Variants in AGMO observed in about 807,000 individuals in gnomAD.
AGMO encodes the protein glyceryl-ether monooxygenase.
Under a neutral mutation model 60.2 loss-of-function variants are expected in AGMO, and 75 were observed. That is an observed-to-expected ratio of 1.25 (90% CI 1.03 to 1.51). The LOEUF (loss-of-function observed/expected upper bound fraction) is 1.51. AGMO is among the 40% of genes most tolerant of loss of function. The pLI, the probability that AGMO is intolerant of heterozygous loss-of-function variation, is 0.00. For synonymous variants in AGMO, 261 were observed against 177.1 expected (o/e 1.47, Z -3.76); for missense variants, 763 against 525.5 (o/e 1.45, Z -4.42).
chr7:15,458,852 C>A (rs1350808384), intron 3 of AGMO, among the ~76,000 whole-genome samples: 5 of 152,156 alleles, frequency 3.3e-5, no homozygotes, highest in Non-Finnish European at 7.3e-5. Context: ...AGGGCACTCC[C>A]CTCTACCACC....
chr7:15,391,935 T>C (rs187133933), intron 6 of AGMO, among the ~76,000 whole-genome samples: 4 of 152,260 alleles, frequency 2.6e-5, no homozygotes, highest in African/African-American at 9.6e-5. Flanking sequence ...TGTCCCAAAA[T>C]GTCAATAGTG....
chr7:15,537,022 G>A (rs921038739), intron 3 of AGMO, among the ~76,000 whole-genome samples: 2 of 151,778 alleles, frequency 1.3e-5, no homozygotes, highest in Non-Finnish European at 2.9e-5. Context: ...AAATTACTTG[G>A]GACAAAATCT....
At chr7:15,368,272 A>G (rs1416735577) in intron 10 of AGMO, among the ~76,000 whole-genome samples, 1 of 139,084 alleles carries the variant, frequency 7.2e-6, no homozygotes, top group Non-Finnish European at 1.5e-5. Flanking sequence ...ACTTAGGAAG[A>G]ATGAGACCAA....
intron 12 of AGMO, among the ~76,000 whole-genome samples, chr7:15,219,494 T>C: frequency 7.4e-6 from 1 of 135,074 alleles, no homozygotes; most frequent in Non-Finnish European, 1.5e-5. Flanking sequence ...AAAAAGACAA[T>C]TTTTTTTTTT....
chr7:15,379,604 G>A (rs909703551), intron 10 of AGMO, among the ~76,000 whole-genome samples: 13 of 152,102 alleles, frequency 8.5e-5, no homozygotes, highest in Non-Finnish European at 1.9e-4. Flanking sequence ...AATTGAGGCA[G>A]TAACAAATAA....
At chr7:15,197,496 A>G (rs1031864807), downstream of AGMO, among the ~76,000 whole-genome samples, 1 of 152,256 alleles carries the variant, frequency 6.6e-6, no homozygotes, top group African/African-American at 2.4e-5. Flanking sequence ...ATATTGCTAA[A>G]TATCAGGACT....
intron 3 of AGMO, among the ~76,000 whole-genome samples, chr7:15,448,169 A>G (rs1781754673): frequency 1.3e-5 from 2 of 152,176 alleles, no homozygotes. Context: ...GTGTCCCTCC[A>G]AAACTCATAT....
At chr7:15,411,581 A>G (rs1780611319) in intron 5 of AGMO, among the ~76,000 whole-genome samples, 1 of 152,098 alleles carries the variant, frequency 6.6e-6, no homozygotes, top group Admixed American at 6.6e-5. Flanking sequence ...AGTTTTTATA[A>G]TCATAGTATA....
chr7:15,242,002 C>A (rs1435423506), intron 12 of AGMO, among the ~76,000 whole-genome samples: 1 of 152,084 alleles, frequency 6.6e-6, no homozygotes, highest in Admixed American at 6.5e-5. Context: ...TATAAGTATG[C>A]CACATGGAAT....
chr7:15,485,142 C>CAAAAAA (rs34731268), intron 3 of AGMO, among the ~76,000 whole-genome samples: 15 of 97,792 alleles, frequency 1.5e-4, no homozygotes, highest in Admixed American at 4.5e-4. Flanking sequence ...ACTAAAAATA[C>CAAAAAA]AAAAAAAAAA....
chr7:15,498,312 G>T (rs1365964412), intron 3 of AGMO, among the ~76,000 whole-genome samples: 1 of 151,874 alleles, frequency 6.6e-6, no homozygotes, highest in African/African-American at 2.4e-5. Flanking sequence ...ATCAAAGAAA[G>T]GTAGTTAGTG....
intron 12 of AGMO, among the ~76,000 whole-genome samples, chr7:15,329,852 A>C (rs757724613): frequency 9.2e-5 from 14 of 152,128 alleles, no homozygotes; most frequent in Non-Finnish European, 1.6e-4. Flanking sequence ...TCCCACGAGC[A>C]TCCTTACTTT....
At chr7:15,345,984 C>T (rs190564785) in intron 12 of AGMO, among the ~76,000 whole-genome samples, 2 of 152,136 alleles carry the variant, frequency 1.3e-5, no homozygotes, top group Middle Eastern at 3.4e-3. Flanking sequence ...TTATTAAAAA[C>T]GTTAGTACAA....
the AGMO span, among the ~76,000 whole-genome samples, chr7:15,170,849 T>C: frequency 6.6e-6 from 1 of 152,220 alleles, no homozygotes; most frequent in African/African-American, 2.4e-5. Context: ...TGTCTGAGAC[T>C]TTCCTTGTTT....
intron 3 of AGMO, among the ~76,000 whole-genome samples, chr7:15,535,906 T>G (rs1205179138): frequency 6.7e-6 from 1 of 150,068 alleles, no homozygotes; most frequent in African/African-American, 2.5e-5. Flanking sequence ...ATTTGTTCAC[T>G]GTTATAATCC....
At chr7:15,355,278 G>A (rs563440903) in intron 12 of AGMO, among the ~76,000 whole-genome samples, 115 of 152,020 alleles carry the variant, frequency 7.6e-4, no homozygotes, top group African/African-American at 2.6e-3. Context: ...CGAGACGGGC[G>A]GATCACAAGG....
chr7:15,441,459 A>G (rs929003782), intron 3 of AGMO, among the ~76,000 whole-genome samples: 1 of 152,206 alleles, frequency 6.6e-6, no homozygotes, highest in African/African-American at 2.4e-5. Flanking sequence ...GGATTTTATC[A>G]TGCTTAAATA....
chr7:15,374,945 G>A (rs1427421070), intron 10 of AGMO, among the ~76,000 whole-genome samples: 2 of 151,928 alleles, frequency 1.3e-5, no homozygotes, highest in African/African-American at 4.8e-5. Flanking sequence ...TTATCCAAGG[G>A]CAAAAAAGGA....
At chr7:15,431,852 T>G (rs77511985) in intron 3 of AGMO, among the ~76,000 whole-genome samples, 1 of 151,766 alleles carries the variant, frequency 6.6e-6, no homozygotes, top group Non-Finnish European at 1.5e-5. Context: ...TCATACAGAC[T>G]CCAAAGAAGT....
Sources: gnomAD v4.1 joint callset for allele counts (sites outside exome capture counted in the v4.1 genomes callset) on GRCh38, gnomAD v4.1.1 for gene constraint, MANE v1.5 for transcripts, NCBI Gene and HGNC (gene_info 2026-07-23, HGNC 2026-07-21) for gene names.